Variants in TSACC observed in about 807,000 individuals in gnomAD.
TSACC encodes TSSK6-activating co-chaperone protein.
A neutral mutation model predicts 6.9 loss-of-function variants in TSACC; 3 were observed. The ratio of observed to expected loss-of-function variants is 0.43; its 90% CI spans 0.20 to 1.12. The LOEUF is 1.12. TSACC is among the 50% of genes most tolerant of loss of function. TSACC has a pLI of 0.28. For synonymous variants in TSACC, 54 were observed against 55.1 expected, an observed-to-expected ratio of 0.98 and a Z score of 0.09; for missense variants, 137 against 143.9, an observed-to-expected ratio of 0.95 and a Z score of 0.24.
intron 1 of TSACC, 71 bp downstream of exon 1, chr1:156,338,676 T>C (rs562025665): frequency 6.1e-6 from 1 of 164,226 alleles, no homozygotes; most frequent in Admixed American, 6.2e-5. Context: ...GGCTTCACAG[T>C]TCCCACTCTT....
Position 156,346,844 on chromosome 1 carries a change from C to T in TSACC, c.240C>T (p.Ala80=). The change falls in exon 4 of 4, where the codon GCC becomes GCT. Residue 80 remains alanine, a synonymous_variant. Transcript: ENST00000368254. ...ACCTCCAGCTTCAGACCCAGCTCGC[C>T]CAACAACAGATGGCTGTTTTGGAAC... The part of the protein sequence containing the change: ...YANLQLQTQL[A]QQQMAVLEHL... The T allele has an allele frequency of 1.2e-6, 2 of 1,614,154 alleles. No individual in the cohort carries two copies. The highest frequency in any genetic ancestry group is 1.7e-6 in the Non-Finnish European group (2 of 1,180,022).
chr1:156,338,243 G>C, upstream of TSACC: 3 of 1,478,918 alleles, frequency 2.0e-6, no homozygotes, highest in Non-Finnish European at 2.7e-6. Context: ...ACCTTCTGGA[G>C]AGAGAGAACC....
At position 156,339,638 on chromosome 1, in the gene TSACC, G is replaced by C; in HGVS notation, c.-120G>C. Reference sequence around the variant, plus strand: ...TTCCTACTTTTTCCTCTGCAGATTGGAACAGGCTGAGATCTGCTGGAGACA... The same window carrying C: ...TTCCTACTTTTTCCTCTGCAGATTGCAACAGGCTGAGATCTGCTGGAGACA... On this transcript the variant is annotated 5_prime_UTR_variant, in exon 2 of 4. Transcript: ENST00000368254. The C allele has an allele frequency of 7.7e-7, 1 of 1,296,268 alleles. No homozygotes were observed. Among genetic ancestry groups the C allele is most frequent in the Non-Finnish European group, 1.1e-6 (1 of 920,966 alleles). 80.3% of individuals were successfully genotyped at this position (1,296,268 alleles called of 1,614,324 possible). A position where few individuals can be genotyped will look rare whatever the true frequency, so the allele number is the denominator to read the frequency against.
At chr1:156,340,541 A>C (rs1333628203) in intron 2 of TSACC, among the ~76,000 whole-genome samples, 1 of 140,468 alleles carries the variant, frequency 7.1e-6, no homozygotes, top group Non-Finnish European at 1.5e-5. Flanking sequence ...GGCTCACCGC[A>C]ACCTCTGCCT....
rs1001597568 is a variant in TSACC, at chr1:156,338,620, C to T, written c.-125+15C>T. ...TAACACCGCAGGTGAGGTCGTTAAA[C>T]TGTGTATTGCGACTCGGCTCCTATC... On this transcript the variant is annotated intron_variant, in intron 1 of 3. Transcript: ENST00000368254. The T allele has an allele frequency of 4.8e-6, 1 of 208,384 alleles. No individual in the cohort carries two copies. The highest frequency in any genetic ancestry group is 9.8e-6 in the Non-Finnish European group (1 of 101,530). 12.9% of individuals were successfully genotyped at this position (208,384 alleles called of 1,614,324 possible).
intron 1 of TSACC, 30 bp downstream of exon 1, chr1:156,338,635 C>G (rs974357279): frequency 5.4e-6 from 1 of 183,988 alleles, no homozygotes; most frequent in South Asian, 1.1e-4. Flanking sequence ...TATTGCGACT[C>G]GGCTCCTATC....
In TSACC at chr1:156,339,634, A is replaced by T. The variant is rs1558279772; in HGVS notation, c.-124A>T. The T allele has an allele frequency of 3.2e-6, 4 of 1,251,528 alleles. No homozygotes were observed. Among genetic ancestry groups the T allele is most frequent in the Non-Finnish European group, 4.5e-6 (4 of 886,094 alleles). The allele number at this position is 1,251,528 out of a possible 1,614,324, so 77.5% of individuals were successfully genotyped here. A position where few individuals can be genotyped will look rare whatever the true frequency, so the allele number is the denominator to read the frequency against. On this transcript the variant is annotated splice_region_variant and 5_prime_UTR_variant, in exon 2 of 4. Coordinates refer to ENST00000368254, the MANE Select transcript of TSACC (RefSeq NM_001304817.2). ...GAGTTTCCTACTTTTTCCTCTGCAGATTGGAACAGGCTGAGATCTGCTGGA... is the reference window on the plus strand; with the variant it reads ...GAGTTTCCTACTTTTTCCTCTGCAGTTTGGAACAGGCTGAGATCTGCTGGA...
At chr1:156,340,456 G>A (rs1190402202) in intron 2 of TSACC, among the ~76,000 whole-genome samples, 3 of 137,544 alleles carry the variant, frequency 2.2e-5, no homozygotes, top group Non-Finnish European at 4.8e-5. Flanking sequence ...ACCGCCCCCG[G>A]CCTTTTTTTT....
upstream of TSACC, among the ~76,000 whole-genome samples, chr1:156,337,967 AGTTT>A (rs1170630640): frequency 2.0e-5 from 3 of 152,286 alleles, no homozygotes; most frequent in Middle Eastern, 3.4e-3. Context: ...GGCCAGTTTG[AGTTT>A]GTGCAGAGAA....
chr1:156,346,703 C>T (rs1666202711), intron 3 of TSACC, 65 bp from the exon 4 acceptor site: 5 of 1,517,490 alleles, frequency 3.3e-6, no homozygotes, highest in Non-Finnish European at 4.6e-6. Flanking sequence ...TCCTTCCAAC[C>T]TCAGTACAAT....
chr1:156,344,735 T>C, intron 3 of TSACC, 27 bp downstream of exon 3: 1 of 1,611,164 alleles, frequency 6.2e-7, no homozygotes. Context: ...GGTTTTCTAA[T>C]GGACTCAACA....
At chr1:156,337,902 G>A (rs193243044), upstream of TSACC, 228 of 551,820 alleles carry the variant, frequency 4.1e-4, 1 homozygote, top group African/African-American at 4.0e-3. Flanking sequence ...ACGCGGAGTG[G>A]GAAAGAGCTT....
At chr1:156,343,728 G>GT (rs1428470953) in intron 2 of TSACC, among the ~76,000 whole-genome samples, 20 of 151,670 alleles carry the variant, frequency 1.3e-4, no homozygotes, top group Admixed American at 9.2e-4. Flanking sequence ...GGCTTCTCAA[G>GT]TTTTTTGTTG....
At chr1:156,344,554 C>T in intron 2 of TSACC, 26 bp from the exon 3 acceptor site, 4 of 1,610,334 alleles carry the variant, frequency 2.5e-6, no homozygotes, top group Non-Finnish European at 3.4e-6. Flanking sequence ...TTGGAATGAG[C>T]TCTGATTTAG....
At chr1:156,338,321 G>A, upstream of TSACC, 1 of 773,474 alleles carries the variant, frequency 1.3e-6, no homozygotes, top group Non-Finnish European at 2.2e-6. Context: ...CAAGGTAGTC[G>A]CCAATCACCG....
upstream of TSACC, chr1:156,338,278 C>T: frequency 7.9e-7 from 1 of 1,271,316 alleles, no homozygotes; most frequent in South Asian, 1.3e-5. Context: ...AAAACGCTGC[C>T]TCCTCAGGGC....
At chr1:156,338,311 C>T, upstream of TSACC, 2 of 888,420 alleles carry the variant, frequency 2.3e-6, no homozygotes, top group Non-Finnish European at 3.6e-6. Flanking sequence ...CCGCTACTCT[C>T]AAGGTAGTCG....
intron 3 of TSACC, among the ~76,000 whole-genome samples, chr1:156,346,009 C>T (rs1040700574): frequency 1.1e-4 from 17 of 151,656 alleles, no homozygotes; most frequent in Admixed American, 7.2e-4. Flanking sequence ...GCCTGGGCAA[C>T]GTGGTGAAAC....
intron 2 of TSACC, among the ~76,000 whole-genome samples, chr1:156,343,901 C>T (rs561932301): frequency 9.9e-5 from 15 of 152,062 alleles, no homozygotes; most frequent in South Asian, 8.3e-4. Context: ...CCACCACGCC[C>T]GGCTAGTTTT....
Sources: allele counts gnomAD v4.1 joint callset (sites outside exome capture counted in the v4.1 genomes callset), GRCh38; gene constraint gnomAD v4.1.1; transcripts MANE v1.5; gene names NCBI Gene and HGNC (gene_info 2026-07-23, HGNC 2026-07-21).